The following AXDND1 variants were observed in gnomAD, a reference collection of about 807,000 sequenced individuals.
AXDND1 encodes axonemal dynein light chain domain containing 1.
In AXDND1, 110 loss-of-function variants were observed where a neutral mutation model predicts 137.5. That is an observed-to-expected ratio of 0.80 (90% CI 0.69 to 0.94). The LOEUF (loss-of-function observed/expected upper bound fraction) is 0.94, where lower values mean the gene tolerates loss of function less well. Among genes scored for constraint, AXDND1 ranks in the 40% least tolerant of loss-of-function variants. The probability of loss-of-function intolerance (pLI) is 0.00; values close to 1 mark genes in which losing one functional copy is unlikely to be tolerated. For synonymous variants in AXDND1, 414 were observed against 399.7 expected, an observed-to-expected ratio of 1.04 and a Z score of -0.43; for missense variants, 1,191 against 1,169.8, an observed-to-expected ratio of 1.02 and a Z score of -0.26.
Position 179,468,521 on chromosome 1 carries a change from A to C in AXDND1, c.1877A>C (p.Asp626Ala). 6.2e-7 allele frequency: 1 copy of C among 1,613,016 alleles called. No individual in the cohort carries two copies. Among genetic ancestry groups the C allele is most frequent in the Non-Finnish European group, 8.5e-7 (1 of 1,179,500 alleles). Reference protein sequence around the residue: ...SFKLENLEFPDTPLEEWQEID... With the variant: ...SFKLENLEFPATPLEEWQEID... The stretch of plus-strand genomic sequence containing the variant: ...AAGTTGGAAAACCTGGAGTTTCCTG[A>C]TACGCCTCTTGAAGAATGGCAGGAA... Residue 626 changes from aspartate to alanine, a missense_variant, in exon 17 of 26, where the codon GAT becomes GCT. Physicochemically the swap from Asp to Ala is moderately radical, Grantham distance 126. Coordinates refer to ENST00000367618, the MANE Select transcript of AXDND1 (RefSeq NM_144696.6).
At chr1:179,549,222 G>A (rs1672952377) in intron 25 of AXDND1, among the ~76,000 whole-genome samples, 1 of 152,168 alleles carries the variant, frequency 6.6e-6, no homozygotes, top group Non-Finnish European at 1.5e-5. Context: ...TTGGAATGCA[G>A]CACCTGGGTC....
chr1:179,411,534 G>T (rs899232791), intron 12 of AXDND1, among the ~76,000 whole-genome samples: 3 of 151,874 alleles, frequency 2.0e-5, no homozygotes, highest in African/African-American at 7.3e-5. Context: ...CAATAATCTA[G>T]ACAAAGACTC....
chr1:179,460,079 C>T lies in AXDND1; in HGVS notation c.1799-8364C>T, dbSNP rs191048805. Among the ~76,000 whole-genome samples the T allele has an allele frequency of 1.4e-3, 208 of 148,836 alleles. 1 individual carries two copies. The highest frequency in any genetic ancestry group is 5.0e-3 in the African/African-American group (201 of 40,220). On this transcript the variant is annotated intron_variant, in intron 16 of 25. Transcript: ENST00000367618. The stretch of plus-strand genomic sequence containing the variant: ...TTCTTATCCTTTAAGTTCTAGGGTA[C>T]ATGTGCACAACGTGCAGGTTTGTTA...
chr1:179,445,051 C>T lies in AXDND1; in HGVS notation c.1645C>T (p.Gln549Ter). ...YDTLKIIKHL[Q>*]ENWADIGLGI... The stretch of plus-strand genomic sequence containing the variant: ...TACTCTCAAGATTATTAAACATTTA[C>T]AGGAAAACTGGGCAGATATTGGGCT... Residue 549 changes from glutamine (Q) to a stop codon, truncating the protein, a stop_gained, in exon 16 of 26, where the codon CAG (glutamine) becomes TAG (stop). Coordinates refer to ENST00000367618, the MANE Select transcript of AXDND1 (RefSeq NM_144696.6). LOFTEE classifies it high-confidence loss of function. 6.2e-7 allele frequency: 1 copy of T among 1,613,370 alleles called. No homozygotes were observed. The highest frequency in any genetic ancestry group is 8.5e-7 in the Non-Finnish European group (1 of 1,179,462).
intron 23 of AXDND1, among the ~76,000 whole-genome samples, chr1:179,532,736 C>T (rs4652408): frequency 0.35 from 52,835 of 151,310 alleles, 9,385 homozygotes; most frequent in Middle Eastern, 0.43. Context: ...AAATTAAAAA[C>T]TGGCTGGGCA....
intron 17 of AXDND1, among the ~76,000 whole-genome samples, chr1:179,482,098 ATTTTTT>A (rs57145549): frequency 5.4e-4 from 58 of 108,034 alleles, no homozygotes; most frequent in Non-Finnish European, 5.9e-4. Context: ...GAGCTTTTTA[ATTTTTT>A]TTTTTTTTTT....
intron 12 of AXDND1, among the ~76,000 whole-genome samples, chr1:179,424,694 T>G (rs1298947361): frequency 6.6e-6 from 1 of 152,022 alleles, no homozygotes; most frequent in Non-Finnish European, 1.5e-5. Flanking sequence ...CCTCCCAAAG[T>G]GCTAGGATTG....
chr1:179,429,742 T>C (rs1657104982), intron 13 of AXDND1, 123 bp downstream of exon 13: 1 of 465,240 alleles, frequency 2.1e-6, no homozygotes, highest in Admixed American at 4.4e-5. Context: ...GTGCTTATTG[T>C]ACAGAATGAA....
In AXDND1 at chr1:179,401,271, A is replaced by G. The variant is rs932881128; in HGVS notation, c.1109+6069A>G. Among the ~76,000 whole-genome samples the G allele has an allele frequency of 7.9e-5, 12 of 151,804 alleles. No homozygotes were observed. In the East Asian group the frequency reaches 2.3e-3, roughly 29 times the overall value. On this transcript the variant is annotated intron_variant, in intron 11 of 25. Transcript: ENST00000367618. ...AAAACTCCATCTCAAAAAAAAAAAA[A>G]AAAAAAAGAACGTCTGCCTATTTCA...
At chr1:179,478,503 C>A (rs922599827) in intron 17 of AXDND1, among the ~76,000 whole-genome samples, 1 of 152,164 alleles carries the variant, frequency 6.6e-6, no homozygotes, top group Admixed American at 6.5e-5. Context: ...GTATCTTGGA[C>A]CCTTTTAGTC....
intron 1 of AXDND1, 130 bp downstream of exon 1, chr1:179,366,130 T>TCGG (rs113409288): frequency 0.57 from 91,086 of 159,440 alleles, 26,137 homozygotes; most frequent in African/African-American, 0.65. Context: ...GGGGAAGGTA[T>TCGG]GGTCCCCAGC....
At chr1:179,406,708 T>C (rs1571685850) in intron 11 of AXDND1, among the ~76,000 whole-genome samples, 1 of 152,152 alleles carries the variant, frequency 6.6e-6, no homozygotes, top group East Asian at 1.9e-4. Flanking sequence ...GCATAGAGTG[T>C]CTTTTTCCAT....
chr1:179,527,143 T>C lies in AXDND1; in HGVS notation c.2611-1184T>C, dbSNP rs558781864. Among the ~76,000 whole-genome samples, 31 of 152,328 alleles carry C rather than the reference T, an allele frequency of 2.0e-4. No homozygotes were observed. The South Asian group carries it at 2.5e-3, about 12-fold the overall frequency. ...TAAGGGCTGCTGGTTGCCCATTTTCTTGATGATATGCTGAACAAGGGGTGG... is the reference window on the plus strand; with the variant it reads ...TAAGGGCTGCTGGTTGCCCATTTTCCTGATGATATGCTGAACAAGGGGTGG... On this transcript the variant is annotated intron_variant, in intron 22 of 25. Coordinates refer to ENST00000367618, the MANE Select transcript of AXDND1 (RefSeq NM_144696.6).
At chr1:179,375,363 T>G (rs974528989) in intron 4 of AXDND1, among the ~76,000 whole-genome samples, 2 of 151,934 alleles carry the variant, frequency 1.3e-5, no homozygotes, top group African/African-American at 4.8e-5. Flanking sequence ...CTTGGCCCCC[T>G]AAAATACTAG....
chr1:179,386,688 A>G (rs1247720031), intron 9 of AXDND1, among the ~76,000 whole-genome samples: 1 of 151,896 alleles, frequency 6.6e-6, no homozygotes. Context: ...TTTTCCCATA[A>G]TATCTAATCT....
At chr1:179,418,085 G>A (rs1654985592) in intron 12 of AXDND1, among the ~76,000 whole-genome samples, 2 of 151,674 alleles carry the variant, frequency 1.3e-5, no homozygotes, top group Non-Finnish European at 1.5e-5. Flanking sequence ...AAGGTCAGCA[G>A]ATAAACAAGT....
chr1:179,428,434 A>C (rs111340576), intron 12 of AXDND1, among the ~76,000 whole-genome samples: 2,669 of 152,332 alleles, frequency 0.018, 63 homozygotes, highest in African/African-American at 0.059. Flanking sequence ...TCTTTTGTCC[A>C]TGTCTATGTC....
At chr1:179,464,210 C>G (rs982898794) in intron 16 of AXDND1, among the ~76,000 whole-genome samples, 6 of 152,192 alleles carry the variant, frequency 3.9e-5, no homozygotes, top group African/African-American at 7.2e-5. Context: ...TTCCTAGCAT[C>G]AATGGTCGTT....
intron 23 of AXDND1, 89 bp downstream of exon 23, chr1:179,528,520 A>G: frequency 1.3e-6 from 1 of 793,758 alleles, no homozygotes; most frequent in South Asian, 2.1e-5. Flanking sequence ...TAGCTACTCT[A>G]AGGGGACCAG....
Sources: allele counts gnomAD v4.1 joint callset (sites outside exome capture counted in the v4.1 genomes callset), GRCh38; gene constraint gnomAD v4.1.1; transcripts MANE v1.5; gene names NCBI Gene and HGNC (gene_info 2026-07-23, HGNC 2026-07-21).